The following TACC2 variants were observed in gnomAD, a reference collection of about 807,000 sequenced individuals.
TACC2 encodes transforming acidic coiled-coil-containing protein 2.
Under a neutral mutation model 227.3 loss-of-function variants are expected in TACC2, and 137 were observed. The ratio of observed to expected loss-of-function variants is 0.60; its 90% CI spans 0.52 to 0.69. TACC2 has a LOEUF of 0.69. Among genes scored for constraint, TACC2 ranks in the 30% least tolerant of loss-of-function variants. The pLI is 0.00. For synonymous variants in TACC2, 1,523 were observed against 1,487.5 expected, an observed-to-expected ratio of 1.02 and a Z score of -0.55; for missense variants, 3,470 against 3,694.4, an observed-to-expected ratio of 0.94 and a Z score of 1.57.
At chr10:122,031,247 A>C (rs1009554641) in intron 2 of TACC2, among the ~76,000 whole-genome samples, 1 of 152,118 alleles carries the variant, frequency 6.6e-6, no homozygotes, top group East Asian at 1.9e-4. Context: ...CCAGAGATTC[A>C]AAAGATGGCT....
At chr10:122,190,525 GTT>G (rs2094374697) in intron 7 of TACC2, among the ~76,000 whole-genome samples, 1 of 152,124 alleles carries the variant, frequency 6.6e-6, no homozygotes, top group Non-Finnish European at 1.5e-5. Context: ...GGGTTACGTT[GTT>G]CCCTCTTTCC....
chr10:122,084,915 C>A lies in TACC2; in HGVS notation c.2415C>A (p.Ile805=). The A allele has an allele frequency of 1.2e-6, 2 of 1,614,142 alleles. No homozygotes were observed. Among genetic ancestry groups the A allele is most frequent in the East Asian group, 4.5e-5 (2 of 44,866 alleles). ...TCCTGGACCAAGATCAGCAGGGAATCCCATCCTGCCCAGGGGAAGGCTGGA... is the reference window on the plus strand; with the variant it reads ...TCCTGGACCAAGATCAGCAGGGAATACCATCCTGCCCAGGGGAAGGCTGGA... ...ALILDQDQQG[I]PSCPGEGWIR... is the part of the protein sequence containing the mutation. Residue 805 remains isoleucine (I), a synonymous_variant, in exon 4 of 23, where the codon ATC becomes ATA. Coordinates refer to ENST00000369005, the MANE Select transcript of TACC2 (RefSeq NM_206862.4).
At chr10:122,144,153 A>T (rs1048603050) in intron 7 of TACC2, among the ~76,000 whole-genome samples, 3 of 152,124 alleles carry the variant, frequency 2.0e-5, no homozygotes, top group Non-Finnish European at 4.4e-5. Context: ...CTGCTGGCAG[A>T]ATTCCCTTTT....
chr10:122,185,107 C>T (rs887016460), intron 7 of TACC2, among the ~76,000 whole-genome samples: 17 of 149,734 alleles, frequency 1.1e-4, no homozygotes, highest in African/African-American at 4.2e-4. Context: ...CTCAAGCAAT[C>T]CTCCTGCCTC....
At chr10:122,173,004 C>T (rs1297783844) in intron 7 of TACC2, among the ~76,000 whole-genome samples, 1 of 152,156 alleles carries the variant, frequency 6.6e-6, no homozygotes, top group Admixed American at 6.5e-5. Flanking sequence ...GTACCCAGAA[C>T]ATCCTCAGAC....
chr10:122,022,202 G>A, intron 2 of TACC2, 188 bp downstream of exon 2: 1 of 575,580 alleles, frequency 1.7e-6, no homozygotes, highest in Non-Finnish European at 3.1e-6. Flanking sequence ...TACGATTAAG[G>A]CTAGCTCTAG....
intron 1 of TACC2, among the ~76,000 whole-genome samples, chr10:121,992,069 T>C (rs1953050024): frequency 6.6e-6 from 1 of 152,036 alleles, no homozygotes; most frequent in South Asian, 2.1e-4. Context: ...CTGCAACAAG[T>C]GGGAATTTAA....
chr10:122,030,905 C>T (rs1180582593), intron 2 of TACC2, among the ~76,000 whole-genome samples: 1 of 152,068 alleles, frequency 6.6e-6, no homozygotes, highest in African/African-American at 2.4e-5. Flanking sequence ...TCCCTCCAAC[C>T]CAAACTCAGC....
Position 122,087,440 on chromosome 10 carries a change from A to G in TACC2, c.4940A>G (p.Asn1647Ser), listed in dbSNP as rs1380355451. 1 of 1,614,056 alleles carries G rather than the reference A, an allele frequency of 6.2e-7. No homozygotes were observed. The change falls in exon 4 of 23, where the codon AAC becomes AGC. Residue 1647 changes from asparagine (N) to serine (S), a missense_variant. Asn to Ser is a conservative substitution (Grantham distance 46, BLOSUM62 1). This residue lies in a region of TACC2 where 1,924 missense variants were observed against 1,978.3 expected (regional missense o/e 0.97). Transcript: ENST00000369005. The stretch of plus-strand genomic sequence containing the variant: ...GAGGTTTTGACTGTGCCTGAGGCCA[A>G]CAGTGAGCCCTGGACCCTTGACACG... ...QREVLTVPEA[N>S]SEPWTLDTLG...
rs1254138834 is a variant in TACC2, at chr10:122,210,655, C to G, written c.6230C>G (p.Pro2077Arg). 6.2e-7 allele frequency: 1 copy of G among 1,614,028 alleles called. No homozygotes were observed. Among genetic ancestry groups the G allele is most frequent in the Admixed American group, 1.7e-5 (1 of 60,016 alleles). ...CGGAGGAAGTCCACGGATTCCGTCC[C>G]CATCTCTAAGTCTACACTGTCCCGG... The part of the protein sequence containing the change: ...NTRRKSTDSV[P>R]ISKSTLSRSL... The change falls in exon 9 of 23, where the codon CCC (proline) becomes CGC (arginine). Residue 2077 changes from proline (P) to arginine (R), a missense_variant. Transcript: ENST00000369005. This position sits in a 1 kb window ranked among gnomAD's most constrained non-coding sequence, Gnocchi z 4.6.
chr10:122,085,105 G>A lies in TACC2; in HGVS notation c.2605G>A (p.Gly869Arg). The change falls in exon 4 of 23, where the codon GGA (glycine) becomes AGA (arginine). Residue 869 changes from glycine to arginine, a missense_variant. By Grantham distance (125) the Gly-to-Arg change is moderately radical (BLOSUM62 -2). Transcript: ENST00000369005. ...AAGCCATCCAGGTTTTAAGGACCAG[G>A]GAGCAGATTCTTCCCAAATCCATGT... ...SPSHPGFKDQ[G>R]ADSSQIHVPV... The A allele has an allele frequency of 2.5e-6, 4 of 1,614,162 alleles. No homozygotes were observed. Among genetic ancestry groups the A allele is most frequent in the Middle Eastern group, 1.7e-4 (1 of 6,060 alleles).
At chr10:122,017,955 CT>C (rs199883119) in intron 1 of TACC2, among the ~76,000 whole-genome samples, 23,055 of 129,712 alleles carry the variant, frequency 0.18, 2,001 homozygotes, top group South Asian at 0.29. Context: ...TAGTGGAATT[CT>C]TTTTTTTTTT....
chr10:121,997,357 A>G (rs1953662047), intron 1 of TACC2, among the ~76,000 whole-genome samples: 1 of 152,170 alleles, frequency 6.6e-6, no homozygotes, highest in Admixed American at 6.5e-5. Context: ...TCCAGCGTGC[A>G]CAGACTCTGG....
chr10:122,070,749 G>A (rs572269229), intron 3 of TACC2, among the ~76,000 whole-genome samples: 16 of 94,324 alleles, frequency 1.7e-4, no homozygotes, highest in South Asian at 1.5e-3. Flanking sequence ...GCAAAATTCC[G>A]TCTCAAAAAA....
At chr10:122,138,188 C>A (rs2090004474) in intron 6 of TACC2, among the ~76,000 whole-genome samples, 1 of 151,764 alleles carries the variant, frequency 6.6e-6, no homozygotes, top group Admixed American at 6.6e-5. Flanking sequence ...GTTAGTTGAA[C>A]CTTTATTTAA....
At chr10:122,124,064 G>T (rs1448770584) in intron 5 of TACC2, among the ~76,000 whole-genome samples, 2 of 151,994 alleles carry the variant, frequency 1.3e-5, no homozygotes, top group South Asian at 2.1e-4. Flanking sequence ...TGCCCGCCAC[G>T]GCCTCCCAAA....
At chr10:122,039,308 G>T (rs954794306) in intron 2 of TACC2, among the ~76,000 whole-genome samples, 1 of 152,120 alleles carries the variant, frequency 6.6e-6, no homozygotes, top group Non-Finnish European at 1.5e-5. Context: ...GATCTTCTGG[G>T]CTTGTGGAAG....
rs2459072 is a variant in TACC2, at chr10:122,068,853, G to T, written c.147-13794G>T. ...ATTTTTCTGTCTGTGTGACCTAGAAGTTTTTTTTTTTTTTTTTTGTATTTT... is the reference window on the plus strand; with the variant it reads ...ATTTTTCTGTCTGTGTGACCTAGAATTTTTTTTTTTTTTTTTTTGTATTTT... On this transcript the variant is annotated intron_variant, in intron 3 of 22. Transcript: ENST00000369005. 6.2e-3 allele frequency among the ~76,000 whole-genome samples: 824 copies of T among 133,440 alleles called. 21 individuals are homozygous for T. Among genetic ancestry groups the T allele is most frequent in the South Asian group, 0.04 (175 of 4,396 alleles). 87.5% of individuals were successfully genotyped at this position (133,440 alleles called of 152,430 possible).
chr10:122,215,486 C>A (rs759999175), intron 10 of TACC2, 35 bp downstream of exon 10: 2 of 1,583,670 alleles, frequency 1.3e-6, no homozygotes, highest in African/African-American at 1.4e-5. Context: ...GGTTTTATGC[C>A]CCCCCCGGGG....
Sources: gnomAD v4.1 joint callset for allele counts (sites outside exome capture counted in the v4.1 genomes callset) on GRCh38, gnomAD v4.1.1 for gene constraint, gnomAD v4.1.1 regional missense constraint, Gnocchi (gnomAD v3.1) non-coding constraint, MANE v1.5 for transcripts, NCBI Gene and HGNC (gene_info 2026-07-23, HGNC 2026-07-21) for gene names.